Variants in WDR93 observed in about 807,000 individuals in gnomAD.
WDR93 encodes the protein WD repeat domain 93, also known as WD repeat-containing protein 93.
WDR93 carries 73 observed loss-of-function variants against 82.9 expected under a neutral mutation model. That is an observed-to-expected ratio of 0.88 (90% CI 0.73 to 1.07). The LOEUF (loss-of-function observed/expected upper bound fraction) is 1.07. WDR93 is among the 50% of genes least tolerant of loss of function. The pLI is 0.00. For synonymous variants in WDR93, 283 were observed against 300.1 expected (o/e 0.94, Z 0.59); for missense variants, 738 against 826.0 (o/e 0.89, Z 1.31).
chr15:89,730,003 A>G lies in WDR93; in HGVS notation c.1210+234A>G, dbSNP rs575554847. Among the ~76,000 whole-genome samples, 219 of 152,322 alleles carry G rather than the reference A, an allele frequency of 1.4e-3. 1 individual carries two copies. Among genetic ancestry groups the G allele is most frequent in the African/African-American group, 5.1e-3 (211 of 41,580 alleles). On this transcript the variant is annotated intron_variant, in intron 11 of 16. Transcript: ENST00000268130. ...GGACAAAGTCTACAGTCAGGTCCAC[A>G]GGGCTCCTTAAGCAGCTAAGGTAAA...
At chr15:89,730,556 G>A (rs186599941) in intron 11 of WDR93, among the ~76,000 whole-genome samples, 20 of 152,220 alleles carry the variant, frequency 1.3e-4, no homozygotes, top group Admixed American at 1.0e-3. Flanking sequence ...GAAGCTCTTC[G>A]AAATTGAAAC....
intron 8 of WDR93, among the ~76,000 whole-genome samples, chr15:89,724,434 A>T (rs1966651889): frequency 6.6e-6 from 1 of 151,966 alleles, no homozygotes; most frequent in Non-Finnish European, 1.5e-5. Flanking sequence ...AAAAGTACTT[A>T]CAATTTTTAA....
At chr15:89,706,317 GT>G (rs35434840) in intron 4 of WDR93, among the ~76,000 whole-genome samples, 28,954 of 146,564 alleles carry the variant, frequency 0.2, 2,899 homozygotes, top group Middle Eastern at 0.29. Flanking sequence ...TCAGAGTAAG[GT>G]TTTTTTTTTT....
chr15:89,733,253 T>C (rs780654312), intron 13 of WDR93, 34 bp downstream of exon 13: 2 of 1,587,790 alleles, frequency 1.3e-6, no homozygotes, highest in Admixed American at 1.7e-5. Context: ...GGGTAAATAA[T>C]TGGCCAGATT....
chr15:89,733,155 G>T lies in WDR93; in HGVS notation c.1480G>T (p.Ala494Ser), dbSNP rs573471914. Residue 494 changes from alanine (A) to serine (S), a missense_variant, in exon 13 of 17, where the codon GCC becomes TCC. Ala to Ser is a moderately conservative substitution (Grantham distance 99, BLOSUM62 1). Transcript: ENST00000268130. Reference protein sequence around the residue: ...QMKCVVLCTDASLHLVEASGT... With the variant: ...QMKCVVLCTDSSLHLVEASGT... ...GAAATGTGTGGTGCTGTGCACAGAC[G>T]CCTCCCTCCATCTGGTGGAGGCTAG... 6.2e-7 allele frequency: 1 copy of T among 1,614,116 alleles called. No homozygotes were observed. Among genetic ancestry groups the T allele is most frequent in the African/African-American group, 1.3e-5 (1 of 75,040 alleles).
At chr15:89,729,837 C>A in intron 11 of WDR93, 68 bp downstream of exon 11, 1 of 1,342,154 alleles carries the variant, frequency 7.5e-7, no homozygotes, top group Non-Finnish European at 1.1e-6. Context: ...TCCAGCTTAG[C>A]TAAGAGCATG....
At chr15:89,727,981 T>C (rs1318865875) in intron 9 of WDR93, among the ~76,000 whole-genome samples, 1 of 152,004 alleles carries the variant, frequency 6.6e-6, no homozygotes, top group African/African-American at 2.4e-5. Context: ...CTTAGGAGGC[T>C]GAGGCAGGAG....
At chr15:89,702,120 C>T in intron 2 of WDR93, 71 bp downstream of exon 2, 1 of 1,476,476 alleles carries the variant, frequency 6.8e-7, no homozygotes, top group South Asian at 1.4e-5. Context: ...TCCCCTGATC[C>T]AGGAAGGAAT....
intron 8 of WDR93, among the ~76,000 whole-genome samples, chr15:89,724,497 ACAT>A (rs1187103526): frequency 6.6e-6 from 1 of 152,234 alleles, no homozygotes; most frequent in Non-Finnish European, 1.5e-5. Flanking sequence ...TCATTCAAAG[ACAT>A]CATTAAGAGG....
chr15:89,738,348 T>G (rs1291511468), intron 16 of WDR93, 112 bp downstream of exon 16: 22 of 1,310,832 alleles, frequency 1.7e-5, no homozygotes, highest in Non-Finnish European at 2.2e-5. Flanking sequence ...TTCCCCTGGC[T>G]GGGCGTGGTG....
At chr15:89,725,152 A>G (rs182966245) in intron 8 of WDR93, among the ~76,000 whole-genome samples, 3 of 152,362 alleles carry the variant, frequency 2.0e-5, no homozygotes, top group Non-Finnish European at 4.4e-5. Flanking sequence ...TGATAGTGAC[A>G]TGATTTTTAA....
At chr15:89,713,124 TAAAAAAAAA>T (rs77944900) in intron 5 of WDR93, among the ~76,000 whole-genome samples, 1 of 97,718 alleles carries the variant, frequency 1.0e-5, no homozygotes, top group African/African-American at 3.8e-5. Flanking sequence ...AACTCCATCT[TAAAAAAAAA>T]AAAAAAAAAA....
At position 89,705,609 on chromosome 15, in the gene WDR93, C is replaced by T; in HGVS notation, c.552C>T (p.Ile184=). The change falls in exon 4 of 17, where the codon ATC becomes ATT. Residue 184 remains isoleucine, a synonymous_variant. Coordinates refer to ENST00000268130, the MANE Select transcript of WDR93 (RefSeq NM_020212.2). ...AAGGACTTTACCTAGTCAAAGCCAT[C>T]AATGAAGTGGTGAGTTCCTATTCTT... The part of the protein sequence containing the change: ...YKEGLYLVKA[I]NEVDDTSKQT... 1.3e-6 allele frequency: 2 copies of T among 1,566,038 alleles called. No homozygotes were observed. The highest frequency in any genetic ancestry group is 1.8e-6 in the Non-Finnish European group (2 of 1,136,094).
chr15:89,732,615 C>CCACACACACACACACACA (rs58806438), intron 12 of WDR93, among the ~76,000 whole-genome samples: 1 of 148,464 alleles, frequency 6.7e-6, no homozygotes, highest in Non-Finnish European at 1.5e-5. Context: ...TGTTGTTTGG[C>CCACACACACACACACACA]CACACACACA....
intron 5 of WDR93, among the ~76,000 whole-genome samples, chr15:89,713,991 G>A (rs1242422590): frequency 6.6e-6 from 1 of 152,200 alleles, no homozygotes; most frequent in Non-Finnish European, 1.5e-5. Flanking sequence ...TACCATGGGA[G>A]AACAACCTTT....
At chr15:89,727,425 G>A in intron 9 of WDR93, 97 bp downstream of exon 9, 1 of 1,377,976 alleles carries the variant, frequency 7.3e-7, no homozygotes, top group South Asian at 1.4e-5. Context: ...ATTAATCTGA[G>A]ATTTAAAAGC....
At chr15:89,716,620 G>A (rs191834934) in intron 6 of WDR93, among the ~76,000 whole-genome samples, 1 of 152,282 alleles carries the variant, frequency 6.6e-6, no homozygotes, top group Non-Finnish European at 1.5e-5. Flanking sequence ...CCTCAATTTG[G>A]ATTCTTGTAA....
At chr15:89,699,615 C>T (rs938071228) in intron 1 of WDR93, among the ~76,000 whole-genome samples, 2 of 120,494 alleles carry the variant, frequency 1.7e-5, no homozygotes, top group Non-Finnish European at 3.7e-5. Flanking sequence ...AATGATCTCA[C>T]ACCTCAGTTC....
chr15:89,740,677 T>G (rs1455901458), intron 16 of WDR93, among the ~76,000 whole-genome samples: 2 of 151,982 alleles, frequency 1.3e-5, no homozygotes, highest in Admixed American at 1.3e-4. Context: ...AATTTTTGTA[T>G]TTTTAGTAGA....
Sources: gnomAD v4.1 joint callset for allele counts (sites outside exome capture counted in the v4.1 genomes callset) on GRCh38, gnomAD v4.1.1 for gene constraint, MANE v1.5 for transcripts, NCBI Gene and HGNC (gene_info 2026-07-23, HGNC 2026-07-21) for gene names.